The following PCGF6 variants were observed in gnomAD, a reference collection of about 807,000 sequenced individuals.
The protein encoded by PCGF6 is polycomb group ring finger 6.
A neutral mutation model predicts 45.5 loss-of-function variants in PCGF6; 24 were observed. That is an observed-to-expected ratio of 0.53 (90% CI 0.38 to 0.74). The LOEUF (loss-of-function observed/expected upper bound fraction) is 0.74, where lower values mean the gene tolerates loss of function less well. Ranked by LOEUF, PCGF6 falls within the 30% of genes least tolerant of loss-of-function variation. PCGF6 has a pLI of 0.00. For missense variants in PCGF6, 356 were observed against 443.2 expected (o/e 0.80, Z 1.77); for synonymous variants, 152 against 162.1 (o/e 0.94, Z 0.47).
In PCGF6 at chr10:103,348,903, T is replaced by C. The variant is rs1316303167; in HGVS notation, c.457A>G (p.Thr153Ala). The C allele has an allele frequency of 7.5e-6, 12 of 1,610,734 alleles. No individual in the cohort carries two copies. Among genetic ancestry groups the C allele is most frequent in the Non-Finnish European group, 1.0e-5 (12 of 1,177,244 alleles). Residue 153 changes from threonine to alanine, a missense_variant, in exon 2 of 10, where the codon ACC becomes GCC. This residue lies in a region of PCGF6 where 307 missense variants were observed against 350.1 expected (regional missense o/e 0.88). Transcript: ENST00000369847. ...GAAATGTGATCGGTATGCTTACAGGTATGAAGACATTCTGTGATGGTAGTT... is the reference window on the plus strand; with the variant it reads ...GAAATGTGATCGGTATGCTTACAGGCATGAAGACATTCTGTGATGGTAGTT... ...DATTITECLHTFCKSCIVRHF... is the reference protein window; with the variant it reads ...DATTITECLHAFCKSCIVRHF...
intron 6 of PCGF6, among the ~76,000 whole-genome samples, chr10:103,334,868 T>C (rs1033101345): frequency 2.0e-5 from 3 of 152,146 alleles, no homozygotes; most frequent in Non-Finnish European, 2.9e-5. Context: ...TTAGTACCCC[T>C]TTCTACAGAT....
rs1411616815 is a variant in PCGF6 at position 103,314,062 on chromosome 10, AATT to A, written c.996+121_996+123del. 35 of 406,870 alleles carry A rather than the reference AATT, an allele frequency of 8.6e-5. No homozygotes were observed. In the East Asian group the frequency reaches 1.3e-3, roughly 15 times the overall value. The allele number at this position is 406,870 out of a possible 1,614,324, so 25.2% of individuals were successfully genotyped here. A position where few individuals can be genotyped will look rare whatever the true frequency, so the allele number is the denominator to read the frequency against. On this transcript the variant is annotated intron_variant, in intron 9 of 9. Coordinates refer to ENST00000369847, the MANE Select transcript of PCGF6 (RefSeq NM_001011663.2). The stretch of plus-strand genomic sequence containing the variant: ...CAAGAATTTGATAAATATTAAATAT[AATT>A]ATTATTTATAGTGTAGGTAATTTTA...
At chr10:103,305,750 C>A (rs1010728052) in intron 9 of PCGF6, among the ~76,000 whole-genome samples, 1 of 151,984 alleles carries the variant, frequency 6.6e-6, no homozygotes, top group African/African-American at 2.4e-5. Context: ...TTACTTCTGC[C>A]TTAAAGAATG....
intron 6 of PCGF6, among the ~76,000 whole-genome samples, chr10:103,339,808 A>C (rs201782538): frequency 1.4e-4 from 11 of 78,024 alleles, no homozygotes; most frequent in African/African-American, 4.0e-4. Context: ...TCTCAAAAAA[A>C]AAACACACAC....
intron 8 of PCGF6, among the ~76,000 whole-genome samples, chr10:103,325,354 A>G (rs1391245542): frequency 6.6e-6 from 1 of 151,928 alleles, no homozygotes; most frequent in Admixed American, 6.6e-5. Flanking sequence ...GCCAGGTTCA[A>G]GCAATTCTCC....
At chr10:103,347,737 G>A (rs568639235) in intron 3 of PCGF6, among the ~76,000 whole-genome samples, 1 of 152,262 alleles carries the variant, frequency 6.6e-6, no homozygotes, top group East Asian at 1.9e-4. Context: ...CACCCAGGCT[G>A]GAGTGCAGTG....
At chr10:103,323,589 C>G in intron 8 of PCGF6, among the ~76,000 whole-genome samples, 1 of 147,414 alleles carries the variant, frequency 6.8e-6, no homozygotes, top group African/African-American at 2.5e-5. Context: ...GCCACCGCGT[C>G]CGGCCCCTTT....
chr10:103,334,247 A>G (rs1211194939), intron 6 of PCGF6, among the ~76,000 whole-genome samples: 2 of 151,998 alleles, frequency 1.3e-5, no homozygotes, highest in Non-Finnish European at 2.9e-5. Context: ...TTCCAGCTTT[A>G]TTAGGGGATA....
intron 1 of PCGF6, among the ~76,000 whole-genome samples, 163 bp downstream of exon 1, chr10:103,350,544 G>A (rs571536445): frequency 1.3e-5 from 2 of 152,312 alleles, no homozygotes; most frequent in African/African-American, 4.8e-5. Flanking sequence ...AGGCCTGTCG[G>A]CGCCACACGC....
At chr10:103,323,743 C>T (rs568226340) in intron 8 of PCGF6, among the ~76,000 whole-genome samples, 1 of 151,306 alleles carries the variant, frequency 6.6e-6, no homozygotes, top group African/African-American at 2.4e-5. Context: ...CAGGTGTGCG[C>T]CACCATACCT....
rs2093294565 is a variant in PCGF6, at chr10:103,345,116, G to T, written c.690C>A (p.Val230=). Reference sequence around the variant, plus strand: ...TTTTAGATCTTCCTTTGCTTGAAGGGACTGGCTGTGGAACAGCTATTTAAT... The same window carrying T: ...TTTTAGATCTTCCTTTGCTTGAAGGTACTGGCTGTGGAACAGCTATTTAAT... ...EVPKPAVPQP[V]PSSKGRSKKV... Residue 230 remains valine, a synonymous_variant, in exon 6 of 10, where the codon GTC becomes GTA. Coordinates refer to ENST00000369847, the MANE Select transcript of PCGF6 (RefSeq NM_001011663.2). 3 of 1,610,388 alleles carry T rather than the reference G, an allele frequency of 1.9e-6. No homozygotes were observed. The highest frequency in any genetic ancestry group is 4.5e-5 in the East Asian group (2 of 44,794).
intron 9 of PCGF6, among the ~76,000 whole-genome samples, chr10:103,313,655 GA>G (rs2133558943): frequency 6.6e-6 from 1 of 152,254 alleles, no homozygotes; most frequent in African/African-American, 2.4e-5. Context: ...GAAAGTTTAT[GA>G]ATTTGTGTTG....
intron 1 of PCGF6, 65 bp downstream of exon 1, chr10:103,350,642 A>T: frequency 7.4e-7 from 1 of 1,358,310 alleles, no homozygotes; most frequent in Non-Finnish European, 9.5e-7. Context: ...CGCCCGGCAG[A>T]CGAGGGCCAG....
At position 103,303,446 on chromosome 10, in the gene PCGF6, T is replaced by C. The variant is rs1446112626; in HGVS notation, c.*459A>G. On this transcript the variant is annotated 3_prime_UTR_variant, in exon 10 of 10. Coordinates refer to ENST00000369847, the MANE Select transcript of PCGF6 (RefSeq NM_001011663.2). ...AAAAGTGGCCAATAGTTTTGGTCTT[T>C]GAGAGTACACCCTGCAGTTTAACAA... 6.5e-6 allele frequency: 1 copy of C among 153,810 alleles called. No homozygotes were observed. Among genetic ancestry groups the C allele is most frequent in the Non-Finnish European group, 1.4e-5 (1 of 69,158 alleles). 9.5% of individuals were successfully genotyped at this position (153,810 alleles called of 1,614,324 possible). A position where few individuals can be genotyped will look rare whatever the true frequency, so the allele number is the denominator to read the frequency against.
intron 7 of PCGF6, among the ~76,000 whole-genome samples, chr10:103,330,183 T>C (rs2093235020): frequency 6.6e-6 from 1 of 152,050 alleles, no homozygotes; most frequent in African/African-American, 2.4e-5. Context: ...CAAGCAATTC[T>C]CCTGCCACAG....
In PCGF6 at chr10:103,318,171, G is replaced by A. The variant is rs536851163; in HGVS notation, c.910-3899C>T. 5.9e-5 allele frequency among the ~76,000 whole-genome samples: 9 copies of A among 151,566 alleles called. 1 individual carries two copies. The South Asian group carries it at 8.4e-4, about 14-fold the overall frequency. On this transcript the variant is annotated intron_variant, in intron 8 of 9. Transcript: ENST00000369847. ...AAAAAAAATGGGATCAACTGGGTGCGGTGGCTCACGCCTGTAATCCCAGCA... is the reference window on the plus strand; with the variant it reads ...AAAAAAAATGGGATCAACTGGGTGCAGTGGCTCACGCCTGTAATCCCAGCA...
Position 103,314,213 on chromosome 10 carries a change from T to C in PCGF6, c.969A>G (p.Arg323=). Residue 323 remains arginine (R), a synonymous_variant, in exon 9 of 10, where the codon CGA becomes CGG. Coordinates refer to ENST00000369847, the MANE Select transcript of PCGF6 (RefSeq NM_001011663.2). ...LEQYQTLREI[R]RAIGDAAMQD... Reference sequence around the variant, plus strand: ...GCATTGCTGCATCACCTATTGCACGTCGGATTTCCCTTAGAGTTTGATACT... The same window carrying C: ...GCATTGCTGCATCACCTATTGCACGCCGGATTTCCCTTAGAGTTTGATACT... 6.2e-7 allele frequency: 1 copy of C among 1,606,418 alleles called. No individual in the cohort carries two copies. The highest frequency in any genetic ancestry group is 1.1e-5 in the South Asian group (1 of 90,502).
intron 6 of PCGF6, among the ~76,000 whole-genome samples, chr10:103,344,822 G>C (rs992772755): frequency 6.6e-6 from 1 of 151,502 alleles, no homozygotes; most frequent in Non-Finnish European, 1.5e-5. Context: ...CACTCACCTC[G>C]GCCTCCCAAA....
chr10:103,332,055 G>A (rs1044521362), intron 7 of PCGF6, among the ~76,000 whole-genome samples: 1 of 151,928 alleles, frequency 6.6e-6, no homozygotes, highest in African/African-American at 2.4e-5. Flanking sequence ...GCCTCCCAAA[G>A]TGCTGGGATT....
Sources: gnomAD v4.1 joint callset for allele counts (sites outside exome capture counted in the v4.1 genomes callset) on GRCh38, gnomAD v4.1.1 for gene constraint, gnomAD v4.1.1 regional missense constraint, MANE v1.5 for transcripts, NCBI Gene and HGNC (gene_info 2026-07-23, HGNC 2026-07-21) for gene names.